Variants in IGSF10 observed in about 807,000 individuals in gnomAD.
IGSF10 encodes calvaria mechanical force protein 608.
IGSF10 carries 126 observed loss-of-function variants against 128.2 expected under a neutral mutation model. The ratio of observed to expected loss-of-function variants is 0.98; its 90% CI spans 0.85 to 1.14. The LOEUF is 1.14. Among genes scored for constraint, IGSF10 ranks in the 50% most tolerant of loss-of-function variants. The pLI is 0.00. For missense variants in IGSF10, 3,295 were observed against 3,149.8 expected, an observed-to-expected ratio of 1.05 and a Z score of -1.10; for synonymous variants, 1,185 against 1,146.2, an observed-to-expected ratio of 1.03 and a Z score of -0.68.
chr3:151,569,666 G>C, the IGSF10 span, among the ~76,000 whole-genome samples: 1 of 152,122 alleles, frequency 6.6e-6, no homozygotes, highest in Non-Finnish European at 1.5e-5. Context: ...TCCATCTCTA[G>C]ATAATAGAAA....
chr3:151,530,646 T>C, the IGSF10 span, among the ~76,000 whole-genome samples: 1 of 152,074 alleles, frequency 6.6e-6, no homozygotes, highest in Non-Finnish European at 1.5e-5. Context: ...ATAAAGTCCT[T>C]TACAGACAAG....
At chr3:151,468,473 A>G in the IGSF10 span, among the ~76,000 whole-genome samples, 2 of 152,198 alleles carry the variant, frequency 1.3e-5, no homozygotes, top group Non-Finnish European at 2.9e-5. Context: ...GCCTCCCTTT[A>G]GGCTGAACTG....
At chr3:151,524,984 T>TG in the IGSF10 span, among the ~76,000 whole-genome samples, 1 of 146,608 alleles carries the variant, frequency 6.8e-6, no homozygotes, top group Non-Finnish European at 1.5e-5. Flanking sequence ...TTGTAACAAT[T>TG]TTAAAAATGC....
the IGSF10 span, among the ~76,000 whole-genome samples, chr3:151,588,491 C>G: frequency 6.6e-6 from 1 of 152,054 alleles, no homozygotes; most frequent in Non-Finnish European, 1.5e-5. Flanking sequence ...TACAGAGAAT[C>G]TTAGAAAAAT....
intron 5 of IGSF10, among the ~76,000 whole-genome samples, chr3:151,451,624 T>A (rs1721512265): frequency 6.6e-6 from 1 of 152,240 alleles, no homozygotes; most frequent in Non-Finnish European, 1.5e-5. Context: ...CAGTAACAAC[T>A]GACAAATTGG....
In IGSF10 at chr3:151,453,481, G is replaced by A; in HGVS notation, c.618C>T (p.Ser206=). Residue 206 remains serine, a synonymous_variant, in exon 5 of 8, where the codon TCC becomes TCT. Coordinates refer to ENST00000282466, the MANE Select transcript of IGSF10 (RefSeq NM_178822.5). ...AAAGGCTGTCTAGGTCAGGCATATA[G>A]GAGACCATCTCTTGAGGGAGGGAGG... ...FLTSLPQEMV[S]YMPDLDSLYL... 2 of 1,613,952 alleles carry A rather than the reference G, an allele frequency of 1.2e-6. No individual in the cohort carries two copies. Among genetic ancestry groups the A allele is most frequent in the Non-Finnish European group, 1.7e-6 (2 of 1,179,864 alleles).
At chr3:151,551,845 A>G in the IGSF10 span, among the ~76,000 whole-genome samples, 1 of 152,176 alleles carries the variant, frequency 6.6e-6, no homozygotes, top group South Asian at 2.1e-4. Flanking sequence ...TAGAGCCTAT[A>G]TTCAAACATT....
At chr3:151,442,331 C>G (rs941720417) in intron 7 of IGSF10, among the ~76,000 whole-genome samples, 3 of 151,748 alleles carry the variant, frequency 2.0e-5, no homozygotes, top group Non-Finnish European at 4.4e-5. Flanking sequence ...ATAAAAATTC[C>G]CTTCTCTGTT....
chr3:151,457,840 A>C (rs1387138297), intron 3 of IGSF10, among the ~76,000 whole-genome samples: 1 of 152,192 alleles, frequency 6.6e-6, no homozygotes, highest in Non-Finnish European at 1.5e-5. Flanking sequence ...AGTTTTTATT[A>C]ATTGTACTGA....
rs763332251 is a variant in IGSF10, at chr3:151,444,938, A to G, written c.5043T>C (p.His1681=). ...EAVGNPLPTI[H]WTRVPSGLDL... The stretch of plus-strand genomic sequence containing the variant: ...ACATACCTGATGGGACTCTGGTCCA[A>G]TGAATGGTGGGCAGGGGATTTCCAA... Residue 1681 remains histidine, a synonymous_variant, in exon 6 of 8, where the codon CAT becomes CAC. Coordinates refer to ENST00000282466, the MANE Select transcript of IGSF10 (RefSeq NM_178822.5). The G allele has an allele frequency of 1.5e-5, 24 of 1,607,952 alleles. No individual in the cohort carries two copies. Among genetic ancestry groups the G allele is most frequent in the East Asian group, 6.7e-5 (3 of 44,842 alleles).
At chr3:151,455,931 A>G (rs1389406794) in intron 4 of IGSF10, among the ~76,000 whole-genome samples, 1 of 152,212 alleles carries the variant, frequency 6.6e-6, no homozygotes, top group Non-Finnish European at 1.5e-5. Context: ...CTGAACTATC[A>G]TCTCTGTCGA....
chr3:151,607,815 G>A, the IGSF10 span, among the ~76,000 whole-genome samples: 18 of 151,214 alleles, frequency 1.2e-4, no homozygotes, highest in African/African-American at 4.4e-4. Flanking sequence ...GGAGGCTGAG[G>A]CAGGAGAATG....
chr3:151,559,145 G>C, the IGSF10 span, among the ~76,000 whole-genome samples: 1 of 152,140 alleles, frequency 6.6e-6, no homozygotes, highest in South Asian at 2.1e-4. Flanking sequence ...TTCTAGCCAG[G>C]CTAGAAGAAT....
the IGSF10 span, chr3:151,475,823 TG>T: frequency 6.4e-6 from 1 of 156,128 alleles, no homozygotes. Context: ...AAGAACATTT[TG>T]CTAAATTGTC....
intron 7 of IGSF10, among the ~76,000 whole-genome samples, chr3:151,440,010 TTCTC>T (rs1031717680): frequency 1.3e-5 from 2 of 151,948 alleles, no homozygotes; most frequent in African/African-American, 4.8e-5. Flanking sequence ...CTCAAGTCAT[TTCTC>T]TCTCTCCTAT....
downstream of IGSF10, chr3:151,435,078 T>C (rs1438017949): frequency 1.4e-4 from 21 of 150,936 alleles, no homozygotes; most frequent in African/African-American, 3.4e-4. Flanking sequence ...TTTTTTTTTT[T>C]TTTTCTTTTC....
At chr3:151,594,914 A>T in the IGSF10 span, among the ~76,000 whole-genome samples, 1 of 151,864 alleles carries the variant, frequency 6.6e-6, no homozygotes, top group African/African-American at 2.4e-5. Flanking sequence ...ATGTACCAAT[A>T]AAGATTTTTT....
chr3:151,557,298 G>T, the IGSF10 span, among the ~76,000 whole-genome samples: 1 of 152,158 alleles, frequency 6.6e-6, no homozygotes. Flanking sequence ...ATTTAAGAGA[G>T]GTGAATGGGC....
the IGSF10 span, among the ~76,000 whole-genome samples, chr3:151,525,002 CTTTTTT>C: frequency 1.0e-4 from 5 of 49,734 alleles, no homozygotes; most frequent in Non-Finnish European, 1.7e-4. Context: ...TGCATTACAC[CTTTTTT>C]TTTTTTTTTT....
Sources: gnomAD v4.1 joint callset for allele counts (sites outside exome capture counted in the v4.1 genomes callset) on GRCh38, gnomAD v4.1.1 for gene constraint, MANE v1.5 for transcripts, NCBI Gene and HGNC (gene_info 2026-07-23, HGNC 2026-07-21) for gene names.